Variants in CDH8 observed in about 807,000 individuals in gnomAD.
CDH8 encodes cadherin-8.
In CDH8, 17 loss-of-function variants were observed where a neutral mutation model predicts 68.1. The ratio of observed to expected loss-of-function variants is 0.25; its 90% confidence interval spans 0.17 to 0.37. The LOEUF is 0.37. Among genes scored for constraint, CDH8 ranks in the 10% least tolerant of loss-of-function variants. CDH8 has a pLI of 1.00. For missense variants in CDH8, 763 were observed against 999.3 expected, an observed-to-expected ratio of 0.76 and a Z score of 3.19; for synonymous variants, 372 against 365.1, an observed-to-expected ratio of 1.02 and a Z score of -0.21.
At chr16:61,797,018 G>A (rs371566763) in intron 7 of CDH8, among the ~76,000 whole-genome samples, 4 of 152,048 alleles carry the variant, frequency 2.6e-5, no homozygotes, top group African/African-American at 9.7e-5. Flanking sequence ...AGAGTAATAT[G>A]TTTCCTCAAT....
At chr16:61,871,147 C>CAT (rs909589830) in intron 3 of CDH8, among the ~76,000 whole-genome samples, 2 of 150,864 alleles carry the variant, frequency 1.3e-5, no homozygotes, top group African/African-American at 4.9e-5. Context: ...CACACACACA[C>CAT]ATACACACAC....
At chr16:61,959,772 C>G (rs1471485982) in intron 2 of CDH8, among the ~76,000 whole-genome samples, 1 of 148,766 alleles carries the variant, frequency 6.7e-6, no homozygotes, top group Non-Finnish European at 1.5e-5. Context: ...TACACACACA[C>G]AGAGACAGGG....
chr16:61,655,620 G>T lies in CDH8; in HGVS notation c.1756C>A (p.Leu586Met). The change falls in exon 11 of 12, where the codon CTG becomes ATG. Residue 586 changes from leucine to methionine, a missense_variant. Physicochemically the swap from Leu to Met is conservative, Grantham distance 15. This residue lies in a region of CDH8 where 397 missense variants were observed against 436.2 expected (regional missense o/e 0.91). Coordinates refer to ENST00000577390, the MANE Select transcript of CDH8 (RefSeq NM_001796.5). ...IIISDSGNPP[L>M]SSTSTLTIRV... is the part of the protein sequence containing the mutation. The stretch of plus-strand genomic sequence containing the variant: ...ATTGTCAAGGTGCTAGTGCTGCTCA[G>T]TGGAGGATTTCCACTATCACTGATT... The T allele has an allele frequency of 1.2e-6, 2 of 1,614,210 alleles. No individual in the cohort carries two copies. Among genetic ancestry groups the T allele is most frequent in the Non-Finnish European group, 1.7e-6 (2 of 1,180,016 alleles).
At position 61,779,464 on chromosome 16, in the gene CDH8, T is replaced by TGC. The variant is rs370998382; in HGVS notation, c.1414+9880_1414+9881dup. Among the ~76,000 whole-genome samples the TGC allele has an allele frequency of 4.1e-3, 583 of 141,518 alleles. 8 individuals are homozygous for TGC. Among genetic ancestry groups the TGC allele is most frequent in the Middle Eastern group, 0.021 (6 of 290 alleles). The allele number at this position is 141,518 out of a possible 152,430, so 92.8% of individuals were successfully genotyped here. ...GTGTGTGTGTGTGTGTGTGTGTGTG[T>TGC]GCGCGCATGGTGAGGGAAACAAGGA... is the stretch of plus-strand genomic sequence containing the variant. On this transcript the variant is annotated intron_variant, in intron 8 of 11. Transcript: ENST00000577390.
intron 3 of CDH8, among the ~76,000 whole-genome samples, chr16:61,858,910 C>T (rs1196111678): frequency 3.3e-5 from 5 of 152,064 alleles, no homozygotes; most frequent in African/African-American, 7.2e-5. Context: ...CAGGGAGTAT[C>T]GGTGTTGGGC....
intron 8 of CDH8, among the ~76,000 whole-genome samples, chr16:61,761,125 T>C (rs1287198648): frequency 1.3e-5 from 2 of 152,210 alleles, no homozygotes; most frequent in Non-Finnish European, 2.9e-5. Flanking sequence ...AAATTAATTA[T>C]GATACTTTTA....
chr16:61,951,995 A>G lies in CDH8; in HGVS notation c.253-50522T>C, dbSNP rs1021008188. ...TTTGATGTGGAGAGAAATGGAACAA[A>G]CTCCCAAGAAGTTACTGAATATTAT... On this transcript the variant is annotated intron_variant, in intron 2 of 11. Transcript: ENST00000577390. Among the ~76,000 whole-genome samples, 3 of 152,096 alleles carry G rather than the reference A, an allele frequency of 2.0e-5. No individual in the cohort carries two copies. In the East Asian group the frequency reaches 5.8e-4, roughly 29 times the overall value.
intron 10 of CDH8, among the ~76,000 whole-genome samples, chr16:61,658,438 T>C (rs1263437992): frequency 1.3e-5 from 2 of 151,988 alleles, no homozygotes; most frequent in Non-Finnish European, 2.9e-5. Flanking sequence ...GTTGTTGTAT[T>C]AATTCGATTG....
At chr16:61,707,332 A>C (rs2142859689) in intron 10 of CDH8, among the ~76,000 whole-genome samples, 1 of 152,356 alleles carries the variant, frequency 6.6e-6, no homozygotes, top group Non-Finnish European at 1.5e-5. Flanking sequence ...TTAAAACAAC[A>C]TTGGATAAAT....
At chr16:61,967,279 A>T (rs1310857271) in intron 2 of CDH8, among the ~76,000 whole-genome samples, 1 of 152,216 alleles carries the variant, frequency 6.6e-6, no homozygotes, top group Non-Finnish European at 1.5e-5. Context: ...TAAAAGGTAG[A>T]CATGCCAACA....
chr16:61,953,548 G>A (rs985631038), intron 2 of CDH8, among the ~76,000 whole-genome samples: 18 of 150,804 alleles, frequency 1.2e-4, no homozygotes, highest in African/African-American at 3.9e-4. Context: ...TTCTGAGTAT[G>A]AGACCAATTT....
intron 4 of CDH8, among the ~76,000 whole-genome samples, chr16:61,856,344 T>C (rs1963048230): frequency 6.6e-6 from 1 of 152,170 alleles, no homozygotes; most frequent in African/African-American, 2.4e-5. Flanking sequence ...CAACAAAACT[T>C]CACAGGATTT....
At chr16:61,795,297 T>C (rs910778985) in intron 7 of CDH8, among the ~76,000 whole-genome samples, 1 of 152,058 alleles carries the variant, frequency 6.6e-6, no homozygotes, top group Non-Finnish European at 1.5e-5. Context: ...ATCTCAGAAG[T>C]AGATCCTCAA....
intron 10 of CDH8, among the ~76,000 whole-genome samples, chr16:61,665,274 C>G (rs1217940055): frequency 6.6e-6 from 1 of 151,858 alleles, no homozygotes; most frequent in African/African-American, 2.4e-5. Flanking sequence ...ATACCCCACA[C>G]TTACAGTCCA....
At chr16:61,816,839 T>A (rs1358364236) in intron 7 of CDH8, among the ~76,000 whole-genome samples, 1 of 152,118 alleles carries the variant, frequency 6.6e-6, no homozygotes. Context: ...TTTCGCATCC[T>A]GGGGAAAAAT....
At chr16:61,667,021 G>T (rs1416010831) in intron 10 of CDH8, among the ~76,000 whole-genome samples, 1 of 151,972 alleles carries the variant, frequency 6.6e-6, no homozygotes, top group East Asian at 1.9e-4. Flanking sequence ...CTAAGTCTTT[G>T]TGAAGCCAGT....
intron 2 of CDH8, among the ~76,000 whole-genome samples, chr16:61,939,786 G>A (rs1157268239): frequency 1.3e-5 from 2 of 152,188 alleles, no homozygotes; most frequent in Non-Finnish European, 1.5e-5. Context: ...GTAGAAAGAT[G>A]TGAAACAATA....
chr16:61,876,802 C>T (rs8044468), intron 3 of CDH8, among the ~76,000 whole-genome samples: 46,404 of 151,556 alleles, frequency 0.31, 7,490 homozygotes, highest in African/African-American at 0.41. Flanking sequence ...TCCCTTATTT[C>T]GAATCTAAGC....
At chr16:61,960,258 T>TACATATATACGTGTGTGTGTATACACAC (rs1965111065) in intron 2 of CDH8, among the ~76,000 whole-genome samples, 1 of 51,832 alleles carries the variant, frequency 1.9e-5, no homozygotes. Flanking sequence ...TGTATACACA[T>TACATATATACGTGTGTGTGTATACACAC]ACATATATAC....
Sources: gnomAD v4.1 joint callset for allele counts (sites outside exome capture counted in the v4.1 genomes callset) on GRCh38, gnomAD v4.1.1 for gene constraint, gnomAD v4.1.1 regional missense constraint, MANE v1.5 for transcripts, NCBI Gene and HGNC (gene_info 2026-07-23, HGNC 2026-07-21) for gene names.